The following UVRAG variants were observed in gnomAD, a reference collection of about 807,000 sequenced individuals.
UVRAG encodes UV radiation resistance-associated gene protein.
Under a neutral mutation model 78.0 loss-of-function variants are expected in UVRAG, and 19 were observed. That is an observed-to-expected ratio of 0.24 (90% CI 0.17 to 0.36). The LOEUF (loss-of-function observed/expected upper bound fraction) is 0.36, where lower values mean the gene tolerates loss of function less well. Among genes scored for constraint, UVRAG ranks in the 10% least tolerant of loss-of-function variants. The pLI is 1.00. For missense variants in UVRAG, 740 were observed against 853.8 expected, an observed-to-expected ratio of 0.87 and a Z score of 1.66; for synonymous variants, 323 against 324.6, an observed-to-expected ratio of 1.00 and a Z score of 0.05.
At chr11:76,091,111 T>G (rs1951688365) in intron 13 of UVRAG, among the ~76,000 whole-genome samples, 1 of 152,198 alleles carries the variant, frequency 6.6e-6, no homozygotes, top group South Asian at 2.1e-4. Context: ...ATCTGAAAAT[T>G]ATCTTTATTC....
intron 1 of UVRAG, among the ~76,000 whole-genome samples, chr11:75,828,799 A>ATTTT (rs1183493611): frequency 1.0e-4 from 8 of 80,074 alleles, no homozygotes; most frequent in South Asian, 3.1e-4. Flanking sequence ...ATATATATAT[A>ATTTT]TATATATTTT....
At chr11:75,968,097 A>G (rs923731326) in intron 7 of UVRAG, among the ~76,000 whole-genome samples, 17 of 152,342 alleles carry the variant, frequency 1.1e-4, no homozygotes, top group African/African-American at 3.1e-4. Flanking sequence ...ATTGGTGCTC[A>G]GAAAGTTTCA....
At chr11:76,048,236 CT>C (rs1029502904) in intron 12 of UVRAG, among the ~76,000 whole-genome samples, 3 of 152,186 alleles carry the variant, frequency 2.0e-5, no homozygotes, top group Non-Finnish European at 2.9e-5. Context: ...TTTATGAAGC[CT>C]AGATCCTTTT....
chr11:76,141,222 G>A lies in UVRAG; in HGVS notation c.1909G>A (p.Gly637Arg), dbSNP rs758474546. 5.6e-6 allele frequency: 9 copies of A among 1,614,094 alleles called. No individual in the cohort carries two copies. The East Asian group carries it at 6.7e-5, about 12-fold the overall frequency. The change falls in exon 15 of 15, where the codon GGG becomes AGG. Residue 637 changes from glycine to arginine, a missense_variant. By Grantham distance (125) the Gly-to-Arg change is moderately radical. Coordinates refer to ENST00000356136, the MANE Select transcript of UVRAG (RefSeq NM_003369.4). ...TGTGGAGCAAGCAGAAGAAATCATC[G>A]GGCTGGAAGCCACAGGTTTCGCCTC... ...CTVEQAEEII[G>R]LEATGFASGD...
At chr11:76,132,938 G>T (rs1952537930) in intron 14 of UVRAG, among the ~76,000 whole-genome samples, 1 of 152,188 alleles carries the variant, frequency 6.6e-6, no homozygotes, top group African/African-American at 2.4e-5. Flanking sequence ...CAATTAGGTA[G>T]ACCGGCTTGG....
intron 14 of UVRAG, among the ~76,000 whole-genome samples, chr11:76,132,223 A>G (rs1014023596): frequency 1.3e-5 from 2 of 152,214 alleles, no homozygotes; most frequent in African/African-American, 4.8e-5. Flanking sequence ...AAACACCTCC[A>G]TGTAGAGGTC....
chr11:76,091,825 G>A (rs576928322), intron 13 of UVRAG, among the ~76,000 whole-genome samples: 12 of 151,658 alleles, frequency 7.9e-5, no homozygotes, highest in African/African-American at 2.2e-4. Flanking sequence ...GGAGATACCC[G>A]ATTGTATATT....
intron 5 of UVRAG, among the ~76,000 whole-genome samples, chr11:75,894,355 A>C (rs1947292482): frequency 6.6e-6 from 1 of 152,124 alleles, no homozygotes; most frequent in South Asian, 2.1e-4. Context: ...ATGAAGAAAA[A>C]AAAAACTCCA....
At chr11:75,918,379 GAA>G (rs35021766) in intron 6 of UVRAG, among the ~76,000 whole-genome samples, 16 of 113,590 alleles carry the variant, frequency 1.4e-4, no homozygotes, top group East Asian at 5.0e-4. Flanking sequence ...CTCCGTCTCA[GAA>G]AAAAAAAAAA....
intron 6 of UVRAG, among the ~76,000 whole-genome samples, chr11:75,956,359 G>T (rs1401969835): frequency 6.6e-6 from 1 of 150,566 alleles, no homozygotes; most frequent in African/African-American, 2.4e-5. Flanking sequence ...TATTTATTAG[G>T]CTGGTGCAAA....
At position 75,983,386 on chromosome 11, in the gene UVRAG, G is replaced by GAA. The variant is rs762976381; in HGVS notation, c.708_709dup (p.Ser237LysfsTer7). 2.3e-5 allele frequency: 32 copies of GAA among 1,413,758 alleles called. No individual in the cohort carries two copies. The highest frequency in any genetic ancestry group is 6.0e-5 in the Admixed American group (3 of 50,418). 87.6% of individuals were successfully genotyped at this position (1,413,758 alleles called of 1,614,324 possible). A position where few individuals can be genotyped will look rare whatever the true frequency, so the allele number is the denominator to read the frequency against. On this transcript the variant is annotated frameshift_variant and splice_region_variant. Transcript: ENST00000356136. LOFTEE classifies it high-confidence loss of function. ...ATATACCTGTGATTTTATTTATTTAGAAAAAAAAAAGTGAATGCCTGCAGT... is the reference window on the plus strand; with the variant it reads ...ATATACCTGTGATTTTATTTATTTAGAAAAAAAAAAAAGTGAATGCCTGCAGT...
At chr11:76,108,768 C>T (rs1482326393) in intron 13 of UVRAG, among the ~76,000 whole-genome samples, 2 of 152,078 alleles carry the variant, frequency 1.3e-5, no homozygotes, top group Admixed American at 6.6e-5. Context: ...GCCAGATCTT[C>T]CTGGGTTTTT....
intron 12 of UVRAG, among the ~76,000 whole-genome samples, chr11:76,047,419 A>G (rs965099390): frequency 4.1e-4 from 63 of 152,158 alleles, no homozygotes; most frequent in African/African-American, 1.5e-3. Flanking sequence ...TTTCTTCCTG[A>G]GGATTTTCTC....
intron 13 of UVRAG, among the ~76,000 whole-genome samples, chr11:76,073,016 C>G (rs1248184353): frequency 6.6e-6 from 1 of 152,130 alleles, no homozygotes; most frequent in East Asian, 1.9e-4. Flanking sequence ...TAGAACAAAT[C>G]AAGGCAGAGG....
At chr11:75,937,056 T>C (rs1284372858) in intron 6 of UVRAG, among the ~76,000 whole-genome samples, 1 of 152,194 alleles carries the variant, frequency 6.6e-6, no homozygotes, top group African/African-American at 2.4e-5. Context: ...AATTAACTTT[T>C]AAAGCAATTT....
rs112408050 is a variant in UVRAG, at chr11:76,072,684, T to C, written c.1305+6896T>C. Reference sequence around the variant, plus strand: ...TGTGAAGATGAATTGGCCATCTATATAGGCATTGAATTAGTTTAACTTTTG... The same window carrying C: ...TGTGAAGATGAATTGGCCATCTATACAGGCATTGAATTAGTTTAACTTTTG... On this transcript the variant is annotated intron_variant, in intron 13 of 14. Coordinates refer to ENST00000356136, the MANE Select transcript of UVRAG (RefSeq NM_003369.4). Among the ~76,000 whole-genome samples, 1,070 of 152,352 alleles carry C rather than the reference T, an allele frequency of 7.0e-3. 17 individuals carry two copies. The highest frequency in any genetic ancestry group is 0.025 in the African/African-American group (1,023 of 41,572).
chr11:75,850,591 A>G (rs1017051863), intron 1 of UVRAG, among the ~76,000 whole-genome samples: 4 of 152,208 alleles, frequency 2.6e-5, no homozygotes, highest in Non-Finnish European at 5.9e-5. Flanking sequence ...AGGTCTTTGA[A>G]CAGAGGAGCA....
At chr11:75,966,990 T>C (rs987194980) in intron 7 of UVRAG, among the ~76,000 whole-genome samples, 1 of 152,192 alleles carries the variant, frequency 6.6e-6, no homozygotes, top group African/African-American at 2.4e-5. Context: ...TTTCCCTGGT[T>C]CCTCTGGTCA....
intron 6 of UVRAG, among the ~76,000 whole-genome samples, chr11:75,914,889 G>A (rs781183445): frequency 3.9e-5 from 6 of 152,158 alleles, no homozygotes; most frequent in Middle Eastern, 3.4e-3. Flanking sequence ...TTTTGTGTGG[G>A]AGTGTCACAG....
Sources: allele counts gnomAD v4.1 joint callset (sites outside exome capture counted in the v4.1 genomes callset), GRCh38; gene constraint gnomAD v4.1.1; transcripts MANE v1.5; gene names NCBI Gene and HGNC (gene_info 2026-07-23, HGNC 2026-07-21).